TAFA4: variants seen among roughly 807,000 people sequenced by gnomAD.
TAFA4 encodes TAFA chemokine like family member 4, also known as chemokine-like protein TAFA-4.
TAFA4 carries 20 observed loss-of-function variants against 21.1 expected under a neutral mutation model. The ratio of observed to expected loss-of-function variants is 0.95; its 90% CI spans 0.67 to 1.38. The LOEUF (loss-of-function observed/expected upper bound fraction) is 1.38, where lower values mean the gene tolerates loss of function less well. Among genes scored for constraint, TAFA4 ranks in the 40% most tolerant of loss-of-function variants. The probability of loss-of-function intolerance (pLI) is 0.00; values close to 1 mark genes in which losing one functional copy is unlikely to be tolerated. For synonymous variants in TAFA4, 71 were observed against 67.4 expected (o/e 1.05, Z -0.26); for missense variants, 211 against 180.9 (o/e 1.17, Z -0.95).
chr3:68,754,613 G>C (rs139672041), intron 3 of TAFA4, among the ~76,000 whole-genome samples: 17 of 152,162 alleles, frequency 1.1e-4, no homozygotes, highest in East Asian at 7.7e-4. Flanking sequence ...TATCTGTCAG[G>C]CTTCTCCATT....
intron 3 of TAFA4, among the ~76,000 whole-genome samples, chr3:68,873,349 C>CACACAT (rs1407095675): frequency 7.2e-6 from 1 of 139,716 alleles, no homozygotes; most frequent in African/African-American, 2.7e-5. Flanking sequence ...CACACACACA[C>CACACAT]ACACACACAC....
intron 1 of TAFA4, among the ~76,000 whole-genome samples, chr3:68,931,446 T>G (rs1000067759): frequency 6.6e-6 from 1 of 152,154 alleles, no homozygotes; most frequent in Non-Finnish European, 1.5e-5. Flanking sequence ...CCAGCGGCAC[T>G]GTGTCTGGCT....
intron 3 of TAFA4, among the ~76,000 whole-genome samples, chr3:68,873,517 G>A (rs2089512997): frequency 6.6e-6 from 1 of 151,978 alleles, no homozygotes; most frequent in African/African-American, 2.4e-5. Context: ...ATTTCCTATT[G>A]GATATGTTTA....
At chr3:68,819,782 G>C (rs1412422859) in intron 3 of TAFA4, among the ~76,000 whole-genome samples, 8 of 152,162 alleles carry the variant, frequency 5.3e-5, no homozygotes, top group African/African-American at 1.9e-4. Flanking sequence ...AAAAGACAAA[G>C]GCTAAGTGTT....
chr3:68,782,760 T>C lies in TAFA4; in HGVS notation c.131-29742A>G, dbSNP rs115655188. On this transcript the variant is annotated intron_variant, in intron 3 of 5. Coordinates refer to ENST00000295569, the MANE Select transcript of TAFA4 (RefSeq NM_182522.5). The stretch of plus-strand genomic sequence containing the variant: ...AAGGAGAGGGAGGGGGAATGGGGAG[T>C]AGCAGTTTAAAGCATATGAGATTTC... Among the ~76,000 whole-genome samples the C allele has an allele frequency of 2.9e-3, 439 of 151,860 alleles. 4 individuals carry two copies. Among genetic ancestry groups the C allele is most frequent in the Admixed American group, 0.019 (288 of 15,258 alleles).
At chr3:68,831,141 C>A (rs1340489834) in intron 3 of TAFA4, among the ~76,000 whole-genome samples, 1 of 152,120 alleles carries the variant, frequency 6.6e-6, no homozygotes, top group Admixed American at 6.5e-5. Flanking sequence ...ACTCTTTATC[C>A]AATTTGCCAG....
chr3:68,910,793 T>C (rs1484210924), intron 1 of TAFA4, among the ~76,000 whole-genome samples: 1 of 152,192 alleles, frequency 6.6e-6, no homozygotes, highest in Non-Finnish European at 1.5e-5. Flanking sequence ...CTATATACGA[T>C]TTTTCTTTGC....
intron 1 of TAFA4, among the ~76,000 whole-genome samples, chr3:68,890,686 C>T (rs1019570836): frequency 5.3e-5 from 8 of 152,192 alleles, no homozygotes; most frequent in African/African-American, 1.2e-4. Context: ...TTTATGCTGT[C>T]TGGTACCAAG....
In TAFA4 at chr3:68,926,827, C is replaced by G. The variant is rs557412873; in HGVS notation, c.-123+5413G>C. Among the ~76,000 whole-genome samples, 324 of 152,258 alleles carry G rather than the reference C, an allele frequency of 2.1e-3. 2 individuals are homozygous for G. The highest frequency in any genetic ancestry group is 3.8e-3 in the Non-Finnish European group (258 of 68,012). On this transcript the variant is annotated intron_variant, in intron 1 of 5. Transcript: ENST00000295569. The stretch of plus-strand genomic sequence containing the variant: ...TAAGGAGTCTGAGGTGAGAGAATCG[C>G]TTGAACCTGGAAGGTGGAGGTTGCA...
intron 3 of TAFA4, among the ~76,000 whole-genome samples, chr3:68,834,055 C>T (rs1704463210): frequency 6.6e-6 from 1 of 152,198 alleles, no homozygotes; most frequent in Non-Finnish European, 1.5e-5. Context: ...CTTCTCTCCC[C>T]AAACCTCAGG....
At chr3:68,742,894 C>T (rs149130986) in intron 4 of TAFA4, among the ~76,000 whole-genome samples, 249 of 152,244 alleles carry the variant, frequency 1.6e-3, no homozygotes, top group African/African-American at 5.7e-3. Context: ...TTCATACCTC[C>T]CTCCCTTATG....
chr3:68,874,922 C>A (rs949800707), intron 3 of TAFA4, among the ~76,000 whole-genome samples: 1 of 152,126 alleles, frequency 6.6e-6, no homozygotes, highest in African/African-American at 2.4e-5. Context: ...ATGAACACTG[C>A]ATATAATGTG....
chr3:68,925,369 C>T (rs951962771), intron 1 of TAFA4, among the ~76,000 whole-genome samples: 11 of 152,290 alleles, frequency 7.2e-5, no homozygotes, highest in Admixed American at 7.2e-4. Flanking sequence ...GAAGAGCTGC[C>T]AAATGATTTA....
intron 4 of TAFA4, among the ~76,000 whole-genome samples, chr3:68,751,332 G>T (rs1322627888): frequency 2.8e-5 from 4 of 141,534 alleles, no homozygotes. Flanking sequence ...ATCATTCTGG[G>T]TAGAGGACTG....
chr3:68,788,577 TC>T (rs1442714394), intron 3 of TAFA4, among the ~76,000 whole-genome samples: 1 of 152,196 alleles, frequency 6.6e-6, no homozygotes, highest in East Asian at 1.9e-4. Context: ...ACCTATGTTT[TC>T]CTCTAGGAGT....
At chr3:68,792,308 A>G (rs1037476391) in intron 3 of TAFA4, among the ~76,000 whole-genome samples, 1 of 152,202 alleles carries the variant, frequency 6.6e-6, no homozygotes, top group Non-Finnish European at 1.5e-5. Flanking sequence ...AGCTATGATT[A>G]TACATATAGA....
chr3:68,833,586 A>C (rs1028262923), intron 3 of TAFA4, among the ~76,000 whole-genome samples: 1 of 152,236 alleles, frequency 6.6e-6, no homozygotes, highest in Non-Finnish European at 1.5e-5. Flanking sequence ...TCTAAAAATA[A>C]GTCAAATAAG....
At chr3:68,786,833 G>T (rs1046179912) in intron 3 of TAFA4, among the ~76,000 whole-genome samples, 3 of 152,122 alleles carry the variant, frequency 2.0e-5, no homozygotes, top group African/African-American at 2.4e-5. Context: ...ATTTACAATG[G>T]GTAGGTCTGA....
chr3:68,810,766 A>G (rs193167549), intron 3 of TAFA4, among the ~76,000 whole-genome samples: 203 of 152,320 alleles, frequency 1.3e-3, no homozygotes, highest in African/African-American at 4.2e-3. Flanking sequence ...GCCAAACAAA[A>G]GGCAGCAGAA....
Sources: allele counts gnomAD v4.1 joint callset (sites outside exome capture counted in the v4.1 genomes callset), GRCh38; gene constraint gnomAD v4.1.1; transcripts MANE v1.5; gene names NCBI Gene and HGNC (gene_info 2026-07-23, HGNC 2026-07-21).